ARHGAP26: variants seen among roughly 807,000 people sequenced by gnomAD.
The protein encoded by ARHGAP26 is Rho GTPase activating protein 26.
Under a neutral mutation model 104.8 loss-of-function variants are expected in ARHGAP26, and 38 were observed. The ratio of observed to expected loss-of-function variants is 0.36; its 90% CI spans 0.28 to 0.48. The LOEUF is 0.48. Among genes scored for constraint, ARHGAP26 ranks in the 20% least tolerant of loss-of-function variants. The pLI is 0.99. For missense variants in ARHGAP26, 704 were observed against 947.9 expected, an observed-to-expected ratio of 0.74 and a Z score of 3.38; for synonymous variants, 341 against 340.0, an observed-to-expected ratio of 1.00 and a Z score of -0.03.
intron 17 of ARHGAP26, among the ~76,000 whole-genome samples, chr5:143,068,993 C>T (rs1042907500): frequency 1.3e-5 from 2 of 152,164 alleles, no homozygotes; most frequent in Non-Finnish European, 2.9e-5. Flanking sequence ...GGACACCATA[C>T]TCTCCTGGTT....
At chr5:143,084,724 C>G (rs1413584735) in intron 17 of ARHGAP26, among the ~76,000 whole-genome samples, 2 of 152,112 alleles carry the variant, frequency 1.3e-5, no homozygotes, top group Non-Finnish European at 2.9e-5. Context: ...CACCTCTTTG[C>G]CTTTGCTTAT....
At chr5:143,144,092 T>C (rs1200749789) in intron 19 of ARHGAP26, among the ~76,000 whole-genome samples, 3 of 152,168 alleles carry the variant, frequency 2.0e-5, no homozygotes, top group Non-Finnish European at 4.4e-5. Flanking sequence ...GTGATCTTGT[T>C]GACTTGACTC....
At chr5:142,784,185 A>C (rs1758076981) in intron 1 of ARHGAP26, among the ~76,000 whole-genome samples, 1 of 152,226 alleles carries the variant, frequency 6.6e-6, no homozygotes, top group African/African-American at 2.4e-5. Flanking sequence ...CTCTGGAAAG[A>C]AAGCCTGTTT....
chr5:142,805,189 G>A (rs13158961), intron 1 of ARHGAP26, among the ~76,000 whole-genome samples: 103 of 149,008 alleles, frequency 6.9e-4, no homozygotes, highest in Admixed American at 2.4e-3. Context: ...TGCAACCTCC[G>A]CCTCTCGGGT....
At chr5:143,050,348 CTT>C (rs78448109) in intron 14 of ARHGAP26, among the ~76,000 whole-genome samples, 66 of 144,462 alleles carry the variant, frequency 4.6e-4, no homozygotes, top group Middle Eastern at 3.6e-3. Context: ...TCTTCTTCTT[CTT>C]TTTTTTTTTT....
chr5:143,025,040 G>C (rs532181090), intron 12 of ARHGAP26, among the ~76,000 whole-genome samples: 1 of 152,256 alleles, frequency 6.6e-6, no homozygotes, highest in South Asian at 2.1e-4. Context: ...TTTGCTCAAT[G>C]GTGCCTGGTA....
chr5:143,087,966 T>C (rs1484325104), intron 17 of ARHGAP26, among the ~76,000 whole-genome samples: 1 of 152,162 alleles, frequency 6.6e-6, no homozygotes, highest in African/African-American at 2.4e-5. Context: ...GCCCATTCTT[T>C]AGAAGAGTGA....
intron 1 of ARHGAP26, among the ~76,000 whole-genome samples, chr5:142,801,448 G>C (rs569165787): frequency 6.6e-6 from 1 of 151,802 alleles, no homozygotes; most frequent in Admixed American, 6.6e-5. Flanking sequence ...TTTTAGATGA[G>C]GAAAGACATG....
At chr5:142,971,965 T>A (rs1772337840) in intron 11 of ARHGAP26, among the ~76,000 whole-genome samples, 1 of 152,132 alleles carries the variant, frequency 6.6e-6, no homozygotes. Flanking sequence ...GCAGATCAGT[T>A]GAGGTCAGGA....
intron 17 of ARHGAP26, among the ~76,000 whole-genome samples, chr5:143,090,326 A>AT (rs1450567244): frequency 6.6e-6 from 1 of 152,268 alleles, no homozygotes; most frequent in Non-Finnish European, 1.5e-5. Flanking sequence ...GCGCACAAGC[A>AT]TAACAATTGC....
At chr5:142,923,857 CTTTTTTT>C (rs11389284) in intron 10 of ARHGAP26, among the ~76,000 whole-genome samples, 2 of 105,870 alleles carry the variant, frequency 1.9e-5, no homozygotes, top group Admixed American at 1.1e-4. Flanking sequence ...GGATCAGATC[CTTTTTTT>C]TTTTTTTTTT....
chr5:142,948,125 T>C (rs1010626252), intron 11 of ARHGAP26, among the ~76,000 whole-genome samples: 11 of 152,198 alleles, frequency 7.2e-5, no homozygotes, highest in African/African-American at 2.7e-4. Flanking sequence ...TGCGGCACTT[T>C]AGACGTGGCA....
At chr5:143,088,420 T>C (rs1790910141) in intron 17 of ARHGAP26, among the ~76,000 whole-genome samples, 1 of 152,136 alleles carries the variant, frequency 6.6e-6, no homozygotes, top group African/African-American at 2.4e-5. Context: ...AAATATATTG[T>C]TCTGAGATGC....
chr5:142,771,223 G>A (rs2151782981), intron 1 of ARHGAP26: 1 of 1,260,824 alleles, frequency 7.9e-7, no homozygotes, highest in East Asian at 3.1e-5. Flanking sequence ...CCAGCAGTGG[G>A]GCCAGAGTGC....
intron 10 of ARHGAP26, chr5:142,921,596 A>G (rs1195243774): frequency 1.2e-5 from 2 of 167,094 alleles, no homozygotes; most frequent in Non-Finnish European, 2.9e-5. Flanking sequence ...AAGATTTTTG[A>G]AAGATCTGAA....
intron 20 of ARHGAP26, among the ~76,000 whole-genome samples, chr5:143,148,460 G>T (rs1445856712): frequency 6.6e-6 from 1 of 152,116 alleles, no homozygotes; most frequent in Non-Finnish European, 1.5e-5. Flanking sequence ...GACTTAAGAG[G>T]TACATAATAA....
intron 1 of ARHGAP26, among the ~76,000 whole-genome samples, chr5:142,869,184 CTTTTCTTTTTCT>C (rs1554133962): frequency 7.8e-5 from 10 of 128,714 alleles, no homozygotes; most frequent in African/African-American, 2.7e-4. Context: ...ACTTTCTTTT[CTTTTCTTTTTCT>C]TTTTCTTTTT....
At chr5:142,854,795 A>C (rs868474395) in intron 1 of ARHGAP26, among the ~76,000 whole-genome samples, 40 of 152,236 alleles carry the variant, frequency 2.6e-4, no homozygotes, top group African/African-American at 9.6e-4. Context: ...ATTGTGAGAC[A>C]GCTGTCATTC....
At chr5:143,074,184 T>C (rs1788658534) in intron 17 of ARHGAP26, among the ~76,000 whole-genome samples, 1 of 152,212 alleles carries the variant, frequency 6.6e-6, no homozygotes, top group African/African-American at 2.4e-5. Context: ...AATTAGTTAA[T>C]TAGTGACCTT....
Sources: allele counts gnomAD v4.1 joint callset (sites outside exome capture counted in the v4.1 genomes callset), GRCh38; gene constraint gnomAD v4.1.1; transcripts MANE v1.5; gene names NCBI Gene and HGNC (gene_info 2026-07-23, HGNC 2026-07-21).